Variants in IGSF10 observed in about 807,000 individuals in gnomAD.
The protein encoded by IGSF10 is calvaria mechanical force protein 608.
A neutral mutation model predicts 128.2 loss-of-function variants in IGSF10; 126 were observed. That is an observed-to-expected ratio of 0.98 (90% CI 0.85 to 1.14). The LOEUF (loss-of-function observed/expected upper bound fraction) is 1.14, where lower values mean the gene tolerates loss of function less well. Among genes scored for constraint, IGSF10 ranks in the 50% most tolerant of loss-of-function variants. The pLI is 0.00. For synonymous variants in IGSF10, 1,185 were observed against 1,146.2 expected, an observed-to-expected ratio of 1.03 and a Z score of -0.68; for missense variants, 3,295 against 3,149.8, an observed-to-expected ratio of 1.05 and a Z score of -1.10.
chr3:151,596,531 C>T, the IGSF10 span, among the ~76,000 whole-genome samples: 4 of 152,148 alleles, frequency 2.6e-5, no homozygotes, highest in East Asian at 3.9e-4. Context: ...TGTTCTTATG[C>T]GCTTTGGCCT....
rs778591579 is a variant in IGSF10, at chr3:151,437,056, CCT to C, written c.7503_7504del (p.Gly2502LysfsTer5). 9 of 1,614,178 alleles carry C rather than the reference CCT, an allele frequency of 5.6e-6. No individual in the cohort carries two copies. Among genetic ancestry groups the C allele is most frequent in the South Asian group, 3.3e-5 (3 of 91,086 alleles). The stretch of plus-strand genomic sequence containing the variant: ...ATTTTGAGCCTTACAGATATAGTTT[CCT>C]CTGTCATAAGCTGTTGCTTCTTTAA... On this transcript the variant is annotated frameshift_variant, in exon 8 of 8. Transcript: ENST00000282466. LOFTEE classifies it low-confidence loss of function (END_TRUNC).
chr3:151,570,558 C>T, the IGSF10 span, among the ~76,000 whole-genome samples: 2 of 152,120 alleles, frequency 1.3e-5, no homozygotes, highest in African/African-American at 2.4e-5. Context: ...TGTTCATATC[C>T]TTTGCTCACT....
the IGSF10 span, among the ~76,000 whole-genome samples, chr3:151,493,081 T>C: frequency 1.3e-5 from 2 of 151,976 alleles, no homozygotes; most frequent in African/African-American, 4.8e-5. Context: ...AACAAAAATA[T>C]TGCATGATTT....
chr3:151,511,484 G>A, the IGSF10 span, among the ~76,000 whole-genome samples: 30 of 152,252 alleles, frequency 2.0e-4, no homozygotes, highest in East Asian at 4.4e-3. Context: ...ATGGAAAGGA[G>A]CAACTGGTAC....
At chr3:151,467,500 G>C in the IGSF10 span, among the ~76,000 whole-genome samples, 18 of 152,160 alleles carry the variant, frequency 1.2e-4, no homozygotes, top group Non-Finnish European at 2.4e-4. Context: ...TGAAGCTCAA[G>C]AATGGATGGC....
At chr3:151,593,978 T>C in the IGSF10 span, among the ~76,000 whole-genome samples, 1 of 143,608 alleles carries the variant, frequency 7.0e-6, no homozygotes, top group African/African-American at 2.5e-5. Context: ...AGGAATGGGC[T>C]GAGGGAATGA....
chr3:151,579,243 G>C, the IGSF10 span, among the ~76,000 whole-genome samples: 1 of 152,122 alleles, frequency 6.6e-6, no homozygotes, highest in African/African-American at 2.4e-5. Context: ...TATAAAAGGA[G>C]TGTGCCTAAT....
At chr3:151,449,558 A>G (rs562920809) in intron 5 of IGSF10, among the ~76,000 whole-genome samples, 9 of 152,352 alleles carry the variant, frequency 5.9e-5, no homozygotes, top group African/African-American at 1.9e-4. Flanking sequence ...TATTAGTTGA[A>G]TAAGTCATTT....
downstream of IGSF10, chr3:151,435,792 G>T (rs915005708): frequency 2.0e-5 from 3 of 151,858 alleles, no homozygotes; most frequent in African/African-American, 7.3e-5. Flanking sequence ...TTTTGTGTAG[G>T]ATTGATCAGA....
the IGSF10 span, among the ~76,000 whole-genome samples, chr3:151,483,123 G>T: frequency 3.3e-5 from 5 of 152,298 alleles, no homozygotes; most frequent in East Asian, 9.6e-4. Context: ...CTTACTAGTA[G>T]AGATAAATTT....
At chr3:151,451,940 T>G (rs1339638479) in intron 5 of IGSF10, among the ~76,000 whole-genome samples, 1 of 152,184 alleles carries the variant, frequency 6.6e-6, no homozygotes, top group Non-Finnish European at 1.5e-5. Flanking sequence ...GAATAGAAGA[T>G]ACCCACAAGT....
chr3:151,488,821 A>G, the IGSF10 span, among the ~76,000 whole-genome samples: 53 of 152,202 alleles, frequency 3.5e-4, no homozygotes, highest in Non-Finnish European at 6.9e-4. Flanking sequence ...ACAAAAAGTA[A>G]CTCAAGATGT....
the IGSF10 span, among the ~76,000 whole-genome samples, chr3:151,516,417 C>T: frequency 1.3e-4 from 20 of 152,036 alleles, 1 homozygote; most frequent in Non-Finnish European, 2.5e-4. Context: ...CTGTTGTGTG[C>T]ACTTGTGGGG....
chr3:151,545,857 G>C, the IGSF10 span, among the ~76,000 whole-genome samples: 1 of 152,098 alleles, frequency 6.6e-6, no homozygotes, highest in Non-Finnish European at 1.5e-5. Flanking sequence ...CATGAATCAG[G>C]AAGAAGCAAA....
the IGSF10 span, among the ~76,000 whole-genome samples, chr3:151,482,908 T>C: frequency 4.6e-4 from 2 of 4,392 alleles, no homozygotes; most frequent in Non-Finnish European, 8.4e-4. Context: ...TGTTTTTTTG[T>C]TTTTTTTTTT....
chr3:151,439,621 A>T (rs78369332), intron 7 of IGSF10, among the ~76,000 whole-genome samples: 1,732 of 152,354 alleles, frequency 0.011, 13 homozygotes, highest in Middle Eastern at 0.031. Context: ...TTAGAAAAAA[A>T]TAAATTTTAC....
chr3:151,452,135 T>C (rs766473913), intron 5 of IGSF10, among the ~76,000 whole-genome samples: 6 of 152,178 alleles, frequency 3.9e-5, no homozygotes, highest in Non-Finnish European at 8.8e-5. Flanking sequence ...GTCATCTCAG[T>C]CAAAAGGATA....
the IGSF10 span, among the ~76,000 whole-genome samples, chr3:151,474,645 T>G: frequency 6.6e-6 from 1 of 152,226 alleles, no homozygotes; most frequent in Non-Finnish European, 1.5e-5. Context: ...TTGGTTAATT[T>G]GGTTCAGTTC....
At chr3:151,465,047 C>G (rs1040754002), upstream of IGSF10, among the ~76,000 whole-genome samples, 1 of 152,142 alleles carries the variant, frequency 6.6e-6, no homozygotes, top group Non-Finnish European at 1.5e-5. Flanking sequence ...AGTCCATGGA[C>G]TCTGGATTAT....
Sources: allele counts gnomAD v4.1 joint callset (sites outside exome capture counted in the v4.1 genomes callset), GRCh38; gene constraint gnomAD v4.1.1; transcripts MANE v1.5; gene names NCBI Gene and HGNC (gene_info 2026-07-23, HGNC 2026-07-21).